Variants in TECTA observed in about 807,000 individuals in gnomAD.
The protein encoded by TECTA is alpha-tectorin.
Under a neutral mutation model 216.8 loss-of-function variants are expected in TECTA, and 128 were observed. That is an observed-to-expected ratio of 0.59 (90% confidence interval 0.51 to 0.68). The LOEUF is 0.68. Among genes scored for constraint, TECTA ranks in the 30% least tolerant of loss-of-function variants. The pLI is 0.00. For synonymous variants in TECTA, 1,089 were observed against 1,117.1 expected (o/e 0.97, Z 0.50); for missense variants, 2,551 against 2,786.2 (o/e 0.92, Z 1.90).
rs1459475826 is a variant in TECTA at position 121,190,941 on chromosome 11, G to A, written c.*135G>A. On this transcript the variant is annotated 3_prime_UTR_variant, in exon 24 of 24. Coordinates refer to ENST00000392793, the MANE Select transcript of TECTA (RefSeq NM_005422.4). ...CAAAATGATGCCACCTGCCTCCAAT[G>A]GTCCAAGGTCCAGAAACCAGCGACC... 5.8e-6 allele frequency: 4 copies of A among 695,260 alleles called. No homozygotes were observed. The African/African-American group carries it at 7.1e-5, about 12-fold the overall frequency. 43.1% of individuals were successfully genotyped at this position (695,260 alleles called of 1,614,324 possible). A position where few individuals can be genotyped will look rare whatever the true frequency, so the allele number is the denominator to read the frequency against.
At chr11:121,181,679 A>G (rs1239380043) in intron 20 of TECTA, among the ~76,000 whole-genome samples, 1 of 151,952 alleles carries the variant, frequency 6.6e-6, no homozygotes. Flanking sequence ...ATGTTGGTCA[A>G]GCTATCTCAA....
chr11:121,118,959 T>C (rs1375735438), intron 7 of TECTA, among the ~76,000 whole-genome samples: 1 of 151,566 alleles, frequency 6.6e-6, no homozygotes, highest in Admixed American at 6.6e-5. Context: ...TTAGAGTACA[T>C]TTATATTCCT....
chr11:121,131,810 T>C (rs1436589373), intron 10 of TECTA, among the ~76,000 whole-genome samples: 4 of 152,246 alleles, frequency 2.6e-5, no homozygotes. Context: ...AGTTGGCTTA[T>C]ATTTCTTCCT....
intron 10 of TECTA, among the ~76,000 whole-genome samples, chr11:121,133,460 A>ACT (rs372563450): frequency 0.49 from 74,978 of 151,866 alleles, 18,879 homozygotes; most frequent in African/African-American, 0.57. Flanking sequence ...TTGGGGTGCC[A>ACT]GGATGGGGAA....
At chr11:121,131,181 T>C (rs1174949397) in intron 10 of TECTA, among the ~76,000 whole-genome samples, 1 of 114,198 alleles carries the variant, frequency 8.8e-6, no homozygotes, top group Non-Finnish European at 1.6e-5. Context: ...GCCACTGCAC[T>C]CCAGCCTGGG....
Position 121,179,024 on chromosome 11 carries a change from T to C in TECTA, c.6000-8808T>C, listed in dbSNP as rs1399818236. Among the ~76,000 whole-genome samples, 4 of 152,262 alleles carry C rather than the reference T, an allele frequency of 2.6e-5. No individual in the cohort carries two copies. In the East Asian group the frequency reaches 7.7e-4, roughly 29 times the overall value. ...ACTGGTGCTTTATCATTTTGTTATC[T>C]TTTAAAAAACCAAATTTACATTTCA... On this transcript the variant is annotated intron_variant, in intron 20 of 23. Coordinates refer to ENST00000392793, the MANE Select transcript of TECTA (RefSeq NM_005422.4).
At position 121,128,024 on chromosome 11, in the gene TECTA, G is replaced by A. The variant is rs928587604; in HGVS notation, c.2047G>A (p.Val683Ile). The change falls in exon 9 of 24, where the codon GTC becomes ATC. Residue 683 changes from valine to isoleucine, a missense_variant. By Grantham distance (29) the Val-to-Ile change is conservative. Transcript: ENST00000392793. Reference sequence around the variant, plus strand: ...ATGCCTGTGCGAGGAGGGCGGGGACGTCTACTGCTTCAACAAGACCTGCGG... The same window carrying A: ...ATGCCTGTGCGAGGAGGGCGGGGACATCTACTGCTTCAACAAGACCTGCGG... ...VQCLCEEGGDVYCFNKTCGSG... is the reference protein window; with the variant it reads ...VQCLCEEGGDIYCFNKTCGSG... The A allele has an allele frequency of 2.5e-6, 4 of 1,613,302 alleles. No homozygotes were observed. The highest frequency in any genetic ancestry group is 3.4e-6 in the Non-Finnish European group (4 of 1,179,844).
At chr11:121,102,543 GT>G (rs1359689309) in intron 1 of TECTA, 121 bp from the exon 2 acceptor site, 34 of 781,392 alleles carry the variant, frequency 4.4e-5, no homozygotes, top group Middle Eastern at 7.0e-4. Context: ...TGTTGATGTT[GT>G]TATGTGAATT....
At position 121,118,647 on chromosome 11, in the gene TECTA, G is replaced by T. The variant is rs372860835; in HGVS notation, c.1132G>T (p.Val378Leu). ...CCGCAGAGGTTCAGCCGTCTCCTGG[G>T]TGAAGGAGCTCTCAGTGGAGGTGAA... ...EHRRGSAVSW[V>L]KELSVEVNGY... Residue 378 changes from valine to leucine, a missense_variant, in exon 7 of 24, where the codon GTG (valine) becomes TTG (leucine). Coordinates refer to ENST00000392793, the MANE Select transcript of TECTA (RefSeq NM_005422.4). The T allele has an allele frequency of 6.2e-7, 1 of 1,613,942 alleles. No individual in the cohort carries two copies. Among genetic ancestry groups the T allele is most frequent in the Non-Finnish European group, 8.5e-7 (1 of 1,179,994 alleles).
At chr11:121,103,671 A>G (rs73599459) in intron 2 of TECTA, among the ~76,000 whole-genome samples, 2,751 of 151,980 alleles carry the variant, frequency 0.018, 85 homozygotes, top group African/African-American at 0.063. Flanking sequence ...TCTTTTAGCA[A>G]CTCTGATGTT....
In TECTA at chr11:121,156,998, CA is replaced by C. The variant is rs564782389; in HGVS notation, c.4306-842del. Reference sequence around the variant, plus strand: ...CACGTGGGAATGAAGGTACTTCCATCAGAAGTAAATTGGAAGCAGACTAGAC... The same window carrying C: ...CACGTGGGAATGAAGGTACTTCCATCGAAGTAAATTGGAAGCAGACTAGAC... On this transcript the variant is annotated intron_variant, in intron 13 of 23. Coordinates refer to ENST00000392793, the MANE Select transcript of TECTA (RefSeq NM_005422.4). Among the ~76,000 whole-genome samples the C allele has an allele frequency of 2.0e-5, 3 of 152,210 alleles. No individual in the cohort carries two copies. The South Asian group carries it at 6.2e-4, about 32-fold the overall frequency.
intron 21 of TECTA, 118 bp downstream of exon 21, chr11:121,188,112 G>C (rs756564042): frequency 2.1e-4 from 228 of 1,075,260 alleles, no homozygotes; most frequent in Non-Finnish European, 2.7e-4. Context: ...TGCTTGGGGT[G>C]GACAGTCATC....
rs201554148 is a variant in TECTA at position 121,152,953 on chromosome 11, G to A, written c.4178G>A (p.Arg1393His). The change falls in exon 13 of 24, where the codon CGC (arginine) becomes CAC (histidine). Residue 1393 changes from arginine to histidine, a missense_variant. By Grantham distance (29) the Arg-to-His change is conservative. Coordinates refer to ENST00000392793, the MANE Select transcript of TECTA (RefSeq NM_005422.4). ...SVCQPRCAAI[R>H]LKSDCSHYCV... Reference sequence around the variant, plus strand: ...TGCCAGCCCCGCTGCGCCGCCATCCGCCTGAAGAGTGACTGCAGCCACTAC... The same window carrying A: ...TGCCAGCCCCGCTGCGCCGCCATCCACCTGAAGAGTGACTGCAGCCACTAC... The A allele has an allele frequency of 8.1e-6, 13 of 1,613,824 alleles. No individual in the cohort carries two copies. In the East Asian group the frequency reaches 2.0e-4, roughly 25 times the overall value.
In TECTA at chr11:121,145,973, C is replaced by G. The variant is rs1162752848; in HGVS notation, c.3962C>G (p.Thr1321Ser). 6.2e-7 allele frequency: 1 copy of G among 1,614,268 alleles called. No homozygotes were observed. The highest frequency in any genetic ancestry group is 2.2e-5 in the East Asian group (1 of 44,888). ...AAGTGTCACAGCAAAGTTAACCCCA[C>G]CTTCTTCTATAAGAACTGCCTGTTT... ...FSKCHSKVNP[T>S]FFYKNCLFDS... is the part of the protein sequence containing the mutation. The change falls in exon 12 of 24, where the codon ACC (threonine) becomes AGC (serine). Residue 1321 changes from threonine (T) to serine (S), a missense_variant. Transcript: ENST00000392793.
chr11:121,105,852 A>G lies in TECTA; in HGVS notation c.86A>G (p.Tyr29Cys). ...QHQAQPRELM[Y>C]PFWQNDTKTP... ...ACAGCTCAGCCCAGGGAGCTCATGT[A>G]TCCATTTTGGCAGAATGACACCAAA... is the stretch of plus-strand genomic sequence containing the variant. The change falls in exon 3 of 24, where the codon TAT becomes TGT. Residue 29 changes from tyrosine (Y) to cysteine (C), a missense_variant. Physicochemically the swap from Tyr to Cys is radical, Grantham distance 194. Around this residue, in one of 3 missense-constraint regions of TECTA, gnomAD observed 2,375 missense variants for 2,563.9 expected, o/e 0.93. Transcript: ENST00000392793. This position sits in a 1 kb window ranked among gnomAD's most constrained non-coding sequence, Gnocchi z 5.3. The G allele has an allele frequency of 6.2e-7, 1 of 1,614,196 alleles. No individual in the cohort carries two copies. The highest frequency in any genetic ancestry group is 1.1e-5 in the South Asian group (1 of 91,086).
intron 20 of TECTA, among the ~76,000 whole-genome samples, chr11:121,172,985 T>A (rs1468607849): frequency 2.1e-4 from 31 of 150,534 alleles, no homozygotes; most frequent in African/African-American, 7.6e-4. Flanking sequence ...CATAAATGTC[T>A]TCTTTTGAGA....
intron 6 of TECTA, 41 bp from the exon 7 acceptor site, chr11:121,118,265 A>C (rs1242439434): frequency 1.2e-6 from 2 of 1,612,294 alleles, no homozygotes; most frequent in Non-Finnish European, 8.5e-7. Context: ...ACAGAGGGGA[A>C]ATGCTCAGTA....
intron 11 of TECTA, among the ~76,000 whole-genome samples, chr11:121,144,310 G>A (rs1273107864): frequency 6.6e-6 from 1 of 152,122 alleles, no homozygotes; most frequent in Admixed American, 6.5e-5. Context: ...TTATTGGCGT[G>A]GCGGTAGTGA....
chr11:121,185,326 G>A (rs484492), intron 20 of TECTA, among the ~76,000 whole-genome samples: 19,057 of 123,392 alleles, frequency 0.15, 2,209 homozygotes, highest in Non-Finnish European at 0.2. Flanking sequence ...TGCTTAATGA[G>A]TGAGTAGGGA....
Sources: gnomAD v4.1 joint callset for allele counts (sites outside exome capture counted in the v4.1 genomes callset) on GRCh38, gnomAD v4.1.1 for gene constraint, gnomAD v4.1.1 regional missense constraint, Gnocchi (gnomAD v3.1) non-coding constraint, MANE v1.5 for transcripts, NCBI Gene and HGNC (gene_info 2026-07-23, HGNC 2026-07-21) for gene names.